Variants in CDH18 observed in about 807,000 individuals in gnomAD.
The protein encoded by CDH18 is cadherin-18.
In CDH18, 31 loss-of-function variants were observed where a neutral mutation model predicts 67.9. That is an observed-to-expected ratio of 0.46 (90% confidence interval 0.34 to 0.62). The LOEUF (loss-of-function observed/expected upper bound fraction) is 0.62. CDH18 is among the 20% of genes least tolerant of loss of function. The pLI, the probability that CDH18 is intolerant of heterozygous loss-of-function variation, is 0.01. For missense variants in CDH18, 890 were observed against 975.5 expected (o/e 0.91, Z 1.17); for synonymous variants, 362 against 347.2 (o/e 1.04, Z -0.48).
At chr5:20,155,411 G>C (rs1475992959) in intron 2 of CDH18, among the ~76,000 whole-genome samples, 3 of 151,876 alleles carry the variant, frequency 2.0e-5, no homozygotes, top group African/African-American at 7.2e-5. Context: ...CTTTAAAATA[G>C]GGTTATTTCT....
chr5:20,337,245 T>C (rs1013929262), intron 1 of CDH18, among the ~76,000 whole-genome samples: 2 of 152,258 alleles, frequency 1.3e-5, no homozygotes, highest in East Asian at 1.9e-4. Context: ...TTGTTACTTA[T>C]ACAAATTTCT....
At chr5:20,364,237 G>T (rs781768716) in intron 1 of CDH18, among the ~76,000 whole-genome samples, 4 of 151,820 alleles carry the variant, frequency 2.6e-5, no homozygotes, top group Admixed American at 6.6e-5. Flanking sequence ...TTATGTACAT[G>T]TGTATGCATG....
chr5:20,565,004 T>A (rs1758419037), intron 1 of CDH18, among the ~76,000 whole-genome samples: 3 of 152,188 alleles, frequency 2.0e-5, no homozygotes, highest in Admixed American at 2.0e-4. Context: ...TAGCACCACT[T>A]CAAAGCTAGT....
intron 1 of CDH18, among the ~76,000 whole-genome samples, chr5:20,416,615 G>A (rs2150152044): frequency 6.6e-6 from 1 of 152,136 alleles, no homozygotes; most frequent in South Asian, 2.1e-4. Flanking sequence ...ACAGACTTTG[G>A]TAATATTTTT....
intron 1 of CDH18, among the ~76,000 whole-genome samples, chr5:20,556,275 A>G (rs567917391): frequency 6.6e-6 from 1 of 152,170 alleles, no homozygotes; most frequent in Non-Finnish European, 1.5e-5. Flanking sequence ...CAAAGTGCTC[A>G]GCAGATCTAA....
At chr5:20,513,227 C>G (rs959817383) in intron 1 of CDH18, among the ~76,000 whole-genome samples, 1 of 152,084 alleles carries the variant, frequency 6.6e-6, no homozygotes, top group Non-Finnish European at 1.5e-5. Context: ...TGTGAAGATT[C>G]CCAGGGCTTA....
At chr5:19,502,685 C>T in intron 11 of CDH18, 1 of 464,396 alleles carries the variant, frequency 2.2e-6, no homozygotes, top group Non-Finnish European at 3.8e-6. Flanking sequence ...TTTTCTACCT[C>T]CAAGCAGTGG....
chr5:19,929,230 A>G (rs1469689339), intron 2 of CDH18, among the ~76,000 whole-genome samples: 1 of 152,028 alleles, frequency 6.6e-6, no homozygotes, highest in East Asian at 1.9e-4. Context: ...TCTCCTCAGT[A>G]TTAGACAACA....
intron 2 of CDH18, among the ~76,000 whole-genome samples, chr5:20,246,448 A>G (rs1180844481): frequency 6.6e-6 from 1 of 152,238 alleles, no homozygotes; most frequent in East Asian, 1.9e-4. Flanking sequence ...AGATCTGTTG[A>G]GAATTTAATC....
chr5:19,488,963 A>C lies in CDH18; in HGVS notation c.1631-5411T>G, dbSNP rs544979445. On this transcript the variant is annotated intron_variant, in intron 11 of 12. Transcript: ENST00000382275. ...GTGGCCTTACTTGTCTTTCTGCCAAACTACAAATGCATGATCCAATATGTC... is the reference window on the plus strand; with the variant it reads ...GTGGCCTTACTTGTCTTTCTGCCAACCTACAAATGCATGATCCAATATGTC... Among the ~76,000 whole-genome samples the C allele has an allele frequency of 2.6e-5, 4 of 152,154 alleles. No individual in the cohort carries two copies. In the South Asian group the frequency reaches 8.3e-4, roughly 32 times the overall value.
intron 2 of CDH18, among the ~76,000 whole-genome samples, chr5:19,966,455 G>A (rs555843197): frequency 6.6e-6 from 1 of 152,156 alleles, no homozygotes; most frequent in South Asian, 2.1e-4. Context: ...CCACATAATT[G>A]TATATTCCAA....
At chr5:19,866,983 G>A (rs536543583) in intron 2 of CDH18, among the ~76,000 whole-genome samples, 29 of 152,118 alleles carry the variant, frequency 1.9e-4, no homozygotes, top group East Asian at 1.9e-4. Flanking sequence ...CCAGCTACTC[G>A]GGAGGATGAG....
chr5:20,284,102 G>A (rs1456759912), intron 1 of CDH18, among the ~76,000 whole-genome samples: 1 of 151,904 alleles, frequency 6.6e-6, no homozygotes, highest in Non-Finnish European at 1.5e-5. Flanking sequence ...CAGGGGCTGG[G>A]GATGGTAGCG....
rs182230038 is a variant in CDH18 at position 20,552,407 on chromosome 5, G to T, written c.-580+23055C>A. ...CAGGAGAATCACTTGAACCCGTGAG[G>T]TGGAGTTTGCTGTGAGCAGAGACCA... is the stretch of plus-strand genomic sequence containing the variant. On this transcript the variant is annotated intron_variant, in intron 1 of 14. Coordinates refer to the CDH18 transcript ENST00000507958. 9.2e-5 allele frequency among the ~76,000 whole-genome samples: 14 copies of T among 152,242 alleles called. No homozygotes were observed. The East Asian group carries it at 2.5e-3, about 27-fold the overall frequency.
At chr5:20,172,228 A>ATATATATG (rs1561848740) in intron 2 of CDH18, among the ~76,000 whole-genome samples, 3 of 110,736 alleles carry the variant, frequency 2.7e-5, no homozygotes, top group African/African-American at 1.1e-4. Flanking sequence ...ATATATGTAT[A>ATATATATG]TATATATATA....
chr5:19,741,267 A>ATT (rs548306894), intron 4 of CDH18, among the ~76,000 whole-genome samples: 2 of 126,852 alleles, frequency 1.6e-5, no homozygotes, highest in Non-Finnish European at 3.6e-5. Context: ...GTATACATAT[A>ATT]TACATATATA....
chr5:19,478,195 AT>A (rs1738812099), intron 12 of CDH18, among the ~76,000 whole-genome samples: 1 of 152,100 alleles, frequency 6.6e-6, no homozygotes, highest in Non-Finnish European at 1.5e-5. Context: ...AGTTCCCATA[AT>A]ATAAACTATC....
intron 1 of CDH18, among the ~76,000 whole-genome samples, chr5:20,351,851 T>G (rs555241983): frequency 7.9e-5 from 12 of 152,242 alleles, no homozygotes; most frequent in Admixed American, 4.6e-4. Context: ...CTACGGTATT[T>G]CAAATTTTTA....
At chr5:20,572,947 C>T (rs1042202909) in intron 1 of CDH18, among the ~76,000 whole-genome samples, 1 of 152,110 alleles carries the variant, frequency 6.6e-6, no homozygotes, top group South Asian at 2.1e-4. Context: ...ACATATGTGA[C>T]TCCTAGCACA....
Sources: gnomAD v4.1 joint callset for allele counts (sites outside exome capture counted in the v4.1 genomes callset) on GRCh38, gnomAD v4.1.1 for gene constraint, MANE v1.5 for transcripts, NCBI Gene and HGNC (gene_info 2026-07-23, HGNC 2026-07-21) for gene names.